The following WWOX variants were observed in gnomAD, a reference collection of about 807,000 sequenced individuals.
WWOX encodes the protein WW domain-containing oxidoreductase.
In WWOX, 69 loss-of-function variants were observed where a neutral mutation model predicts 46.2. The observed-to-expected ratio is 1.49, with a 90% CI of 1.23 to 1.82. WWOX has a LOEUF of 1.82. Among genes scored for constraint, WWOX ranks in the 40% most tolerant of loss-of-function variants. The pLI, the probability that WWOX is intolerant of heterozygous loss-of-function variation, is 0.00. For synonymous variants in WWOX, 359 were observed against 202.6 expected, an observed-to-expected ratio of 1.77 and a Z score of -6.56; for missense variants, 919 against 542.6, an observed-to-expected ratio of 1.69 and a Z score of -6.89.
At chr16:78,379,906 G>A (rs1597132284) in intron 5 of WWOX, among the ~76,000 whole-genome samples, 1 of 152,182 alleles carries the variant, frequency 6.6e-6, no homozygotes, top group Admixed American at 6.5e-5. Flanking sequence ...GGCATGAGAC[G>A]TTGCCTTTGA....
intron 8 of WWOX, among the ~76,000 whole-genome samples, chr16:78,518,536 T>G (rs2043285506): frequency 6.6e-6 from 1 of 152,224 alleles, no homozygotes; most frequent in African/African-American, 2.4e-5. Flanking sequence ...ATGTTATCTT[T>G]ATATAACATA....
At chr16:78,969,007 T>C (rs1401409213) in intron 8 of WWOX, among the ~76,000 whole-genome samples, 1 of 152,190 alleles carries the variant, frequency 6.6e-6, no homozygotes, top group Non-Finnish European at 1.5e-5. Context: ...CCAGATGGAC[T>C]GCCTGGAACC....
At chr16:79,190,008 T>C (rs2051101669) in intron 8 of WWOX, among the ~76,000 whole-genome samples, 1 of 151,946 alleles carries the variant, frequency 6.6e-6, no homozygotes, top group Non-Finnish European at 1.5e-5. Context: ...CATGGAAATG[T>C]TTTCATAACG....
At chr16:78,628,446 C>G (rs943565523) in intron 8 of WWOX, among the ~76,000 whole-genome samples, 3 of 152,160 alleles carry the variant, frequency 2.0e-5, no homozygotes, top group Non-Finnish European at 4.4e-5. Flanking sequence ...GTATTTCTAT[C>G]AAGCTCCCAA....
intron 8 of WWOX, among the ~76,000 whole-genome samples, chr16:78,684,487 C>T (rs1307081838): frequency 6.6e-6 from 1 of 152,164 alleles, no homozygotes; most frequent in Non-Finnish European, 1.5e-5. Context: ...CTCTCCACCC[C>T]ACCCATTTGC....
At chr16:78,718,046 C>T (rs911117475) in intron 8 of WWOX, among the ~76,000 whole-genome samples, 2 of 121,254 alleles carry the variant, frequency 1.6e-5, no homozygotes, top group East Asian at 2.3e-4. Flanking sequence ...AGACTGCAAA[C>T]GTTATTTGCT....
At chr16:79,121,705 C>T (rs973518699) in intron 8 of WWOX, among the ~76,000 whole-genome samples, 1 of 152,144 alleles carries the variant, frequency 6.6e-6, no homozygotes, top group East Asian at 1.9e-4. Flanking sequence ...GAAAAGAATC[C>T]GAACTGGTGG....
chr16:78,792,907 C>T (rs922652606), intron 8 of WWOX, among the ~76,000 whole-genome samples: 1 of 152,130 alleles, frequency 6.6e-6, no homozygotes, highest in Non-Finnish European at 1.5e-5. Context: ...GCTGTACAGA[C>T]AGAAGGAAAG....
intron 5 of WWOX, among the ~76,000 whole-genome samples, chr16:78,366,454 T>C (rs535492096): frequency 1.3e-5 from 2 of 152,296 alleles, no homozygotes; most frequent in Admixed American, 6.5e-5. Flanking sequence ...CATGACATTC[T>C]CCTTTCTTCT....
chr16:78,645,924 C>A (rs1473889354), intron 8 of WWOX, among the ~76,000 whole-genome samples: 1 of 152,190 alleles, frequency 6.6e-6, no homozygotes. Context: ...GTGGCCACAT[C>A]TTCCATCCTT....
At chr16:78,601,071 C>T (rs981414330) in intron 8 of WWOX, among the ~76,000 whole-genome samples, 1 of 152,150 alleles carries the variant, frequency 6.6e-6, no homozygotes, top group Non-Finnish European at 1.5e-5. Context: ...TGTAAATACC[C>T]TGATTTTATG....
At chr16:78,798,907 A>C (rs115924280) in intron 8 of WWOX, among the ~76,000 whole-genome samples, 1,605 of 152,272 alleles carry the variant, frequency 0.011, 26 homozygotes, top group African/African-American at 0.037. Flanking sequence ...TTAAAGTTTG[A>C]GACACCACTT....
At chr16:78,983,085 G>C (rs1267455622) in intron 8 of WWOX, among the ~76,000 whole-genome samples, 1 of 152,144 alleles carries the variant, frequency 6.6e-6, no homozygotes, top group Non-Finnish European at 1.5e-5. Context: ...AAGTGGGCTT[G>C]TGTTTTGCTT....
chr16:78,390,264 C>A (rs1442607086), intron 6 of WWOX, among the ~76,000 whole-genome samples: 1 of 152,168 alleles, frequency 6.6e-6, no homozygotes, highest in Non-Finnish European at 1.5e-5. Flanking sequence ...TGAAGAGAGC[C>A]AACTGTTACA....
chr16:78,768,340 A>G (rs1344448634), intron 8 of WWOX, among the ~76,000 whole-genome samples: 1 of 147,430 alleles, frequency 6.8e-6, no homozygotes, highest in Admixed American at 6.9e-5. Context: ...ATGTACTCCC[A>G]GCACTTTGGG....
chr16:78,116,433 G>T (rs1265488192), intron 4 of WWOX, among the ~76,000 whole-genome samples: 2 of 152,168 alleles, frequency 1.3e-5, no homozygotes, highest in African/African-American at 2.4e-5. Flanking sequence ...TCCGAGTGGA[G>T]AATTTTTTTA....
chr16:78,647,848 G>T lies in WWOX; in HGVS notation c.1056+215096G>T, dbSNP rs536379493. Among the ~76,000 whole-genome samples the T allele has an allele frequency of 2.6e-5, 4 of 152,204 alleles. No individual in the cohort carries two copies. In the South Asian group the frequency reaches 8.4e-4, roughly 32 times the overall value. ...GTCAAGTGGAATATTTCTGGCTTTG[G>T]GGGATCCCAGCTCTTTTTTTCTCTC... On this transcript the variant is annotated intron_variant, in intron 8 of 8. Transcript: ENST00000566780.
intron 8 of WWOX, among the ~76,000 whole-genome samples, chr16:78,561,500 C>T (rs1233643283): frequency 6.6e-6 from 1 of 152,032 alleles, no homozygotes; most frequent in Non-Finnish European, 1.5e-5. Flanking sequence ...TATGAATTGA[C>T]TCAGTAACTG....
At chr16:78,424,262 C>A (rs887855989) in intron 6 of WWOX, among the ~76,000 whole-genome samples, 2 of 151,748 alleles carry the variant, frequency 1.3e-5, no homozygotes, top group Non-Finnish European at 2.9e-5. Flanking sequence ...GGATTACAGA[C>A]ATATACCACC....
Sources: gnomAD v4.1 joint callset for allele counts (sites outside exome capture counted in the v4.1 genomes callset) on GRCh38, gnomAD v4.1.1 for gene constraint, MANE v1.5 for transcripts, NCBI Gene and HGNC (gene_info 2026-07-23, HGNC 2026-07-21) for gene names.